CDHR1: variants seen among roughly 807,000 people sequenced by gnomAD.
CDHR1 encodes the protein cadherin related family member 1.
CDHR1 carries 61 observed loss-of-function variants against 72.1 expected under a neutral mutation model. The ratio of observed to expected loss-of-function variants is 0.85; its 90% CI spans 0.69 to 1.05. The LOEUF (loss-of-function observed/expected upper bound fraction) is 1.05. Among genes scored for constraint, CDHR1 ranks in the 50% least tolerant of loss-of-function variants. CDHR1 has a pLI of 0.00. For missense variants in CDHR1, 1,186 were observed against 1,115.7 expected (o/e 1.06, Z -0.90); for synonymous variants, 470 against 448.1 (o/e 1.05, Z -0.62).
rs776537064 is a variant in CDHR1, at chr10:84,204,624, G to C, written c.862+19G>C. On this transcript the variant is annotated intron_variant, in intron 9 of 16. Coordinates refer to ENST00000623527, the MANE Select transcript of CDHR1 (RefSeq NM_033100.4). ...GTAAATGGTGAGTCTGAGCAGCTTT[G>C]GGGGCTGCAGCTTTGACTCTCTAGG... 1 of 1,576,378 alleles carries C rather than the reference G, an allele frequency of 6.3e-7. No homozygotes were observed. Among genetic ancestry groups the C allele is most frequent in the South Asian group, 1.1e-5 (1 of 90,326 alleles).
rs773335171 is a variant in CDHR1 at position 84,204,551 on chromosome 10, G to A, written c.808G>A (p.Ala270Thr). The A allele has an allele frequency of 1.2e-5, 19 of 1,613,026 alleles. 1 individual carries two copies. Among genetic ancestry groups the A allele is most frequent in the South Asian group, 4.4e-5 (4 of 91,060 alleles). ...LPGSEVLKVV[A>T]MDGDRGKPNR... ...GGGCTCGGAGGTACTGAAGGTGGTC[G>A]CCATGGATGGAGACCGGGGCAAACC... Residue 270 changes from alanine (A) to threonine (T), a missense_variant, in exon 9 of 17, where the codon GCC becomes ACC. Physicochemically the swap from Ala to Thr is moderately conservative, Grantham distance 58 (BLOSUM62 0). Transcript: ENST00000623527.
At chr10:84,210,109 A>G (rs1159805334) in intron 12 of CDHR1, among the ~76,000 whole-genome samples, 2 of 152,214 alleles carry the variant, frequency 1.3e-5, no homozygotes, top group East Asian at 1.9e-4. Context: ...AGTCTCAGCT[A>G]CTTGGAAGGC....
At position 84,216,169 on chromosome 10, in the gene CDHR1, T is replaced by G; in HGVS notation, c.*1548T>G. 7 of 985,466 alleles carry G rather than the reference T, an allele frequency of 7.1e-6. No individual in the cohort carries two copies. The highest frequency in any genetic ancestry group is 8.4e-6 in the Non-Finnish European group (7 of 829,936). 61.0% of individuals were successfully genotyped at this position (985,466 alleles called of 1,614,324 possible). ...AGAAAAGTAGAACAGTTCTTTGCAT[T>G]TGGCTCTACTTACTAACAACCCCTC... On this transcript the variant is annotated 3_prime_UTR_variant, in exon 17 of 17. Coordinates refer to ENST00000623527, the MANE Select transcript of CDHR1 (RefSeq NM_033100.4).
rs749374478 is a variant in CDHR1, at chr10:84,213,329, T to C, written c.2021T>C (p.Ile674Thr). 6.2e-7 allele frequency: 1 copy of C among 1,614,138 alleles called. No individual in the cohort carries two copies. Among genetic ancestry groups the C allele is most frequent in the Admixed American group, 1.7e-5 (1 of 60,016 alleles). Residue 674 changes from isoleucine (I) to threonine (T), a missense_variant, in exon 16 of 17, where the codon ATT (isoleucine) becomes ACT (threonine). Physicochemically the swap from Ile to Thr is moderately conservative, Grantham distance 89. Coordinates refer to ENST00000623527, the MANE Select transcript of CDHR1 (RefSeq NM_033100.4). ...PSFSTTALLK[I>T]DITDAETLSR... is the part of the protein sequence containing the mutation. ...TTCAGCACCACAGCCTTACTCAAGATTGACATCACAGATGCTGAGGTGAGT... is the reference window on the plus strand; with the variant it reads ...TTCAGCACCACAGCCTTACTCAAGACTGACATCACAGATGCTGAGGTGAGT...
At chr10:84,200,235 G>A (rs542259664) in intron 5 of CDHR1, among the ~76,000 whole-genome samples, 1 of 152,054 alleles carries the variant, frequency 6.6e-6, no homozygotes, top group African/African-American at 2.4e-5. Context: ...GCTCTAAAAT[G>A]TAGGTATATG....
In CDHR1 at chr10:84,216,062, A is replaced by G. The variant is rs936029458; in HGVS notation, c.*1441A>G. ...CCTTCCCCAGGACAGAAGTCATACA[A>G]GGCCTCTGGGGTTAATACAAATAGG... On this transcript the variant is annotated 3_prime_UTR_variant, in exon 17 of 17. Transcript: ENST00000623527. 6.1e-6 allele frequency: 6 copies of G among 985,334 alleles called. No homozygotes were observed. In the African/African-American group the frequency reaches 1.0e-4, roughly 17 times the overall value. The allele number at this position is 985,334 out of a possible 1,614,324, so 61.0% of individuals were successfully genotyped here. A position where few individuals can be genotyped will look rare whatever the true frequency, so the allele number is the denominator to read the frequency against.
chr10:84,204,576 C>T lies in CDHR1; in HGVS notation c.833C>T (p.Pro278Leu), dbSNP rs543254581. ...VVAMDGDRGK[P>L]NRILYSLVNG... The stretch of plus-strand genomic sequence containing the variant: ...GCCATGGATGGAGACCGGGGCAAAC[C>T]CAATCGAATTCTCTACAGCCTTGTA... Residue 278 changes from proline (P) to leucine (L), a missense_variant, in exon 9 of 17, where the codon CCC becomes CTC. Pro to Leu is a moderately conservative substitution (Grantham distance 98, BLOSUM62 -3). Transcript: ENST00000623527. 174 of 1,613,674 alleles carry T rather than the reference C, an allele frequency of 1.1e-4. 2 individuals are homozygous for T. In the South Asian group the frequency reaches 1.7e-3, roughly 16 times the overall value.
Position 84,211,706 on chromosome 10 carries a change from G to A in CDHR1, c.1544G>A (p.Gly515Glu). The A allele has an allele frequency of 1.9e-6, 3 of 1,613,840 alleles. No individual in the cohort carries two copies. The highest frequency in any genetic ancestry group is 1.1e-5 in the South Asian group (1 of 91,078). The change falls in exon 14 of 17, where the codon GGG (glycine) becomes GAG (glutamate). Residue 515 changes from glycine (G) to glutamate (E), a missense_variant. Gly to Glu is a moderately conservative substitution (Grantham distance 98). Transcript: ENST00000623527. ...GTGAAATATTCCACCTATGGGACTG[G>A]GGCAGACCTGTAAGTAGATCCAGAA... ...GEVKYSTYGTGADLFLIHPST... is the reference protein window; with the variant it reads ...GEVKYSTYGTEADLFLIHPST...
In CDHR1 at chr10:84,194,692, C is replaced by T. The variant is rs952371307; in HGVS notation, c.-69C>T. ...TGTGGTCTCTGCCCTCCCCGCGGGC[C>T]CAGGGCATGCTCCGTGCCCCTGCGC... On this transcript the variant is annotated 5_prime_UTR_variant, in exon 1 of 17. Transcript: ENST00000623527. 33 of 1,317,164 alleles carry T rather than the reference C, an allele frequency of 2.5e-5. No individual in the cohort carries two copies. In the African/African-American group the frequency reaches 4.2e-4, roughly 17 times the overall value. The allele number at this position is 1,317,164 out of a possible 1,614,324, so 81.6% of individuals were successfully genotyped here. A position where few individuals can be genotyped will look rare whatever the true frequency, so the allele number is the denominator to read the frequency against.
chr10:84,200,547 C>G (rs1162105410), intron 5 of CDHR1, 54 bp from the exon 6 acceptor site: 3 of 1,276,082 alleles, frequency 2.4e-6, no homozygotes, highest in East Asian at 4.8e-5. Context: ...CCTCTGTCCC[C>G]CTGAGAATGC....
intron 12 of CDHR1, among the ~76,000 whole-genome samples, chr10:84,210,156 G>A (rs1381550120): frequency 1.3e-5 from 2 of 152,180 alleles, no homozygotes; most frequent in Non-Finnish European, 2.9e-5. Context: ...GGAGGCAGAC[G>A]TTGCAGTGAG....
chr10:84,202,045 G>A, intron 7 of CDHR1, 125 bp downstream of exon 7: 2 of 760,584 alleles, frequency 2.6e-6, no homozygotes, highest in South Asian at 2.9e-5. Flanking sequence ...GGGGAAATAG[G>A]GAGCAGCTGC....
chr10:84,200,968 A>G (rs1420398032), intron 6 of CDHR1, among the ~76,000 whole-genome samples: 2 of 152,162 alleles, frequency 1.3e-5, no homozygotes, highest in Admixed American at 1.3e-4. Context: ...AGGGGCTGCC[A>G]CATGGGTGGA....
intron 10 of CDHR1, among the ~76,000 whole-genome samples, chr10:84,207,155 T>C (rs1370614131): frequency 6.6e-6 from 1 of 151,884 alleles, no homozygotes; most frequent in East Asian, 1.9e-4. Flanking sequence ...TACAGGTAGC[T>C]GTGGAAGGCA....
In CDHR1 at chr10:84,217,583, T is replaced by C. The variant is rs1842445167; in HGVS notation, c.*2962T>C. 4.1e-6 allele frequency: 4 copies of C among 985,324 alleles called. No individual in the cohort carries two copies. Among genetic ancestry groups the C allele is most frequent in the Non-Finnish European group, 4.8e-6 (4 of 829,846 alleles). 61.0% of individuals were successfully genotyped at this position (985,324 alleles called of 1,614,324 possible). ...AGAGAGGATGAAAAGATCTAATATA[T>C]GTAAAGTGCCTAGCACCGGCTTTGT... On this transcript the variant is annotated 3_prime_UTR_variant, in exon 17 of 17. Coordinates refer to ENST00000623527, the MANE Select transcript of CDHR1 (RefSeq NM_033100.4).
chr10:84,212,586 A>G (rs1050925464), intron 15 of CDHR1, among the ~76,000 whole-genome samples, 179 bp downstream of exon 15: 2 of 152,230 alleles, frequency 1.3e-5, no homozygotes, highest in African/African-American at 4.8e-5. Flanking sequence ...ACTCTGAGAA[A>G]GAAGATATTG....
chr10:84,212,451 A>C, intron 15 of CDHR1, 44 bp downstream of exon 15: 1 of 1,505,228 alleles, frequency 6.6e-7, no homozygotes, highest in Non-Finnish European at 9.2e-7. Context: ...GCCTGGGTCC[A>C]GCAGCTCCAA....
In CDHR1 at chr10:84,208,874, C is replaced by T. The variant is rs745664849; in HGVS notation, c.1313C>T (p.Thr438Ile). Residue 438 changes from threonine (T) to isoleucine (I), a missense_variant, in exon 12 of 17, where the codon ACC becomes ATC. Thr to Ile is a moderately conservative substitution (Grantham distance 89). Transcript: ENST00000623527. ...AIDFEKSKVL[T>I]FKLLAVEVNT... is the part of the protein sequence containing the mutation. ...GACTTTGAAAAGTCCAAAGTATTAA[C>T]CTTCAAGGTAGGTGGTGCCCTGAAT... The T allele has an allele frequency of 5.0e-6, 8 of 1,613,722 alleles. No homozygotes were observed. The African/African-American group carries it at 9.3e-5, about 19-fold the overall frequency.
downstream of CDHR1, chr10:84,219,126 A>C: frequency 6.8e-7 from 1 of 1,459,980 alleles, no homozygotes; most frequent in South Asian, 1.2e-5. Context: ...CTGGTACAAC[A>C]AAGTCAGTAA....
Sources: allele counts gnomAD v4.1 joint callset (sites outside exome capture counted in the v4.1 genomes callset), GRCh38; gene constraint gnomAD v4.1.1; transcripts MANE v1.5; gene names NCBI Gene and HGNC (gene_info 2026-07-23, HGNC 2026-07-21).